PDE7B: variants seen among roughly 807,000 people sequenced by gnomAD.
PDE7B encodes 3',5'-cyclic-AMP phosphodiesterase 7B.
Under a neutral mutation model 56.2 loss-of-function variants are expected in PDE7B, and 29 were observed. The observed-to-expected ratio is 0.52, with a 90% CI of 0.38 to 0.70. The LOEUF is 0.70. Ranked by LOEUF, PDE7B falls within the 30% of genes least tolerant of loss-of-function variation. PDE7B has a pLI of 0.00. For synonymous variants in PDE7B, 197 were observed against 196.9 expected, an observed-to-expected ratio of 1.00 and a Z score of 0.00; for missense variants, 490 against 565.0, an observed-to-expected ratio of 0.87 and a Z score of 1.35.
chr6:136,056,922 C>G (rs992812831), intron 2 of PDE7B, among the ~76,000 whole-genome samples: 1 of 152,136 alleles, frequency 6.6e-6, no homozygotes, highest in Non-Finnish European at 1.5e-5. Context: ...CCCTAAGCCC[C>G]TCCCCTTTGG....
At chr6:135,984,271 C>A (rs1331269256) in intron 2 of PDE7B, among the ~76,000 whole-genome samples, 2 of 152,166 alleles carry the variant, frequency 1.3e-5, no homozygotes, top group African/African-American at 4.8e-5. Context: ...GAAAGTAAAT[C>A]ATAGTCTCCC....
chr6:136,112,456 T>C (rs1463438468), intron 3 of PDE7B: 8 of 152,298 alleles, frequency 5.3e-5, no homozygotes, highest in Admixed American at 2.0e-4. Context: ...AACCGTGTGG[T>C]CTACAAACCG....
intron 2 of PDE7B, among the ~76,000 whole-genome samples, chr6:135,977,679 A>G (rs1444570147): frequency 6.6e-6 from 1 of 152,156 alleles, no homozygotes; most frequent in East Asian, 1.9e-4. Flanking sequence ...AACAGGAGCA[A>G]TAAAGAGGCT....
intron 1 of PDE7B, among the ~76,000 whole-genome samples, chr6:135,933,390 T>C (rs1321309270): frequency 2.0e-5 from 3 of 152,220 alleles, no homozygotes; most frequent in Non-Finnish European, 2.9e-5. Context: ...GTTTAACTAG[T>C]GATCATGTTA....
intron 2 of PDE7B, among the ~76,000 whole-genome samples, chr6:136,066,035 T>C (rs912854645): frequency 7.8e-6 from 1 of 127,746 alleles, no homozygotes; most frequent in Admixed American, 7.7e-5. Context: ...CCATAAAGGC[T>C]TTTTTTGTTT....
At chr6:136,047,319 G>A (rs981643697) in intron 2 of PDE7B, 1 of 152,156 alleles carries the variant, frequency 6.6e-6, no homozygotes. Flanking sequence ...CTTTCTGGTT[G>A]GTTTTCACAT....
intron 1 of PDE7B, among the ~76,000 whole-genome samples, chr6:135,885,178 C>T (rs1220632421): frequency 2.6e-5 from 4 of 152,134 alleles, no homozygotes; most frequent in African/African-American, 9.7e-5. Flanking sequence ...CTCAATTTCT[C>T]ACTTCCCCCT....
At chr6:136,033,484 A>G (rs1338348696) in intron 2 of PDE7B, among the ~76,000 whole-genome samples, 7 of 152,216 alleles carry the variant, frequency 4.6e-5, no homozygotes. Flanking sequence ...CCCAAAGGCT[A>G]GCACAGAAGG....
intron 2 of PDE7B, among the ~76,000 whole-genome samples, chr6:135,980,100 T>C (rs1325091290): frequency 4.6e-5 from 7 of 152,104 alleles, no homozygotes; most frequent in Admixed American, 3.3e-4. Context: ...GAGATATAGA[T>C]CAATGGAACA....
rs190441888 is a variant in PDE7B, at chr6:136,182,776, A to G, written c.1045+1453A>G. On this transcript the variant is annotated intron_variant, in intron 11 of 12. Transcript: ENST00000308191. ...GTATCAACCAAGAAATGTAACCTAT[A>G]AGATCTCTTTTCTTGGGCCTGGTGC... Among the ~76,000 whole-genome samples the G allele has an allele frequency of 9.9e-5, 15 of 152,278 alleles. No homozygotes were observed. In the East Asian group the frequency reaches 2.7e-3, roughly 27 times the overall value.
chr6:136,114,456 A>G (rs1777799424), intron 3 of PDE7B, among the ~76,000 whole-genome samples: 1 of 152,144 alleles, frequency 6.6e-6, no homozygotes, highest in African/African-American at 2.4e-5. Context: ...CTGTTGAACA[A>G]AAGCCACTCA....
chr6:135,877,143 T>G (rs1466542974), intron 1 of PDE7B, among the ~76,000 whole-genome samples: 1 of 152,174 alleles, frequency 6.6e-6, no homozygotes, highest in Non-Finnish European at 1.5e-5. Flanking sequence ...TTCCTTTATC[T>G]CCAGTAATCT....
chr6:136,014,258 A>G (rs1046959875), intron 2 of PDE7B, among the ~76,000 whole-genome samples: 10 of 152,370 alleles, frequency 6.6e-5, no homozygotes, highest in Non-Finnish European at 1.3e-4. Flanking sequence ...CAATACCACT[A>G]AGGTGATAAT....
At chr6:135,891,978 C>A (rs1775817330) in intron 1 of PDE7B, among the ~76,000 whole-genome samples, 1 of 151,810 alleles carries the variant, frequency 6.6e-6, no homozygotes, top group African/African-American at 2.4e-5. Flanking sequence ...TAGTTGGTAC[C>A]CAAGAAATTG....
chr6:136,031,747 A>C (rs192327222), intron 2 of PDE7B, among the ~76,000 whole-genome samples: 4,228 of 151,628 alleles, frequency 0.028, 182 homozygotes, highest in African/African-American at 0.092. Context: ...TCAAAAAAAA[A>C]AAAAAAAAAA....
intron 1 of PDE7B, among the ~76,000 whole-genome samples, chr6:135,887,431 A>G (rs1001325305): frequency 6.6e-6 from 1 of 152,184 alleles, no homozygotes; most frequent in Admixed American, 6.6e-5. Context: ...CCTAACCTGT[A>G]ACCCTACCAG....
At chr6:136,157,668 A>G (rs1778631364) in intron 8 of PDE7B, among the ~76,000 whole-genome samples, 1 of 152,204 alleles carries the variant, frequency 6.6e-6, no homozygotes, top group Admixed American at 6.5e-5. Flanking sequence ...AACAAATGTG[A>G]TGGGAAGATG....
intron 2 of PDE7B, among the ~76,000 whole-genome samples, chr6:136,103,699 G>GC (rs1028758557): frequency 4.6e-5 from 7 of 152,082 alleles, no homozygotes; most frequent in Non-Finnish European, 8.8e-5. Flanking sequence ...CCTTAGTGAT[G>GC]CCCCTGCTAT....
chr6:136,191,455 T>C (rs894544400), intron 12 of PDE7B, 159 bp from the exon 13 acceptor site: 12 of 641,312 alleles, frequency 1.9e-5, no homozygotes, highest in Middle Eastern at 4.2e-4. Flanking sequence ...TCACTTGAGG[T>C]CGGGAGTTCA....
Sources: allele counts gnomAD v4.1 joint callset (sites outside exome capture counted in the v4.1 genomes callset), GRCh38; gene constraint gnomAD v4.1.1; transcripts MANE v1.5; gene names NCBI Gene and HGNC (gene_info 2026-07-23, HGNC 2026-07-21).